The following SORCS3 variants were observed in gnomAD, a reference collection of about 807,000 sequenced individuals.
SORCS3 encodes sortilin related VPS10 domain containing receptor 3, also known as VPS10 domain-containing receptor SorCS3.
Under a neutral mutation model 146.3 loss-of-function variants are expected in SORCS3, and 57 were observed. That is an observed-to-expected ratio of 0.39 (90% confidence interval 0.31 to 0.49). SORCS3 has a LOEUF of 0.49. Ranked by LOEUF, SORCS3 falls within the 20% of genes least tolerant of loss-of-function variation. The pLI, the probability that SORCS3 is intolerant of heterozygous loss-of-function variation, is 0.92. For synonymous variants in SORCS3, 653 were observed against 618.5 expected (o/e 1.06, Z -0.83); for missense variants, 1,341 against 1,575.5 (o/e 0.85, Z 2.52).
chr10:105,105,384 C>T lies in SORCS3; in HGVS notation c.1094-13C>T, dbSNP rs1320493860. ...CACTTGTATCTAAGCATCACTCTACCCTCCTGTTTCAGATGCTCACTACCT... is the reference window on the plus strand; with the variant it reads ...CACTTGTATCTAAGCATCACTCTACTCTCCTGTTTCAGATGCTCACTACCT... On this transcript the variant is annotated splice_polypyrimidine_tract_variant and intron_variant, in intron 6 of 26. Transcript: ENST00000369701. 1.9e-6 allele frequency: 3 copies of T among 1,576,142 alleles called. No individual in the cohort carries two copies. The highest frequency in any genetic ancestry group is 2.6e-6 in the Non-Finnish European group (3 of 1,146,066).
intron 1 of SORCS3, among the ~76,000 whole-genome samples, chr10:104,664,222 A>G (rs1310554776): frequency 2.0e-5 from 3 of 152,136 alleles, no homozygotes; most frequent in African/African-American, 7.2e-5. Flanking sequence ...TGTGTCCTTC[A>G]TGGGGGAATT....
chr10:105,006,919 G>T (rs1439513560), intron 4 of SORCS3, among the ~76,000 whole-genome samples: 1 of 152,158 alleles, frequency 6.6e-6, no homozygotes, highest in Admixed American at 6.5e-5. Context: ...TCTGTGGCAT[G>T]TCTGTTACTC....
intron 6 of SORCS3, among the ~76,000 whole-genome samples, chr10:105,104,131 T>G (rs2055805011): frequency 6.6e-6 from 1 of 152,212 alleles, no homozygotes; most frequent in South Asian, 2.1e-4. Context: ...CTTCCTTCTC[T>G]GTAGCCCCTG....
At chr10:104,814,202 G>T (rs113337280) in intron 1 of SORCS3, among the ~76,000 whole-genome samples, 12 of 152,068 alleles carry the variant, frequency 7.9e-5, no homozygotes, top group African/African-American at 2.7e-4. Flanking sequence ...TGGAAAATGG[G>T]GTTCAGTGAC....
In SORCS3 at chr10:104,885,162, G is replaced by A. The variant is rs116972418; in HGVS notation, c.696-30671G>A. Among the ~76,000 whole-genome samples the A allele has an allele frequency of 4.6e-5, 7 of 152,254 alleles. No individual in the cohort carries two copies. The East Asian group carries it at 1.4e-3, about 29-fold the overall frequency. ...ACTGGGCTGCTGCTCACCCACACAG[G>A]GAGCACTGTCTCAGGTCTTCTTGTA... is the stretch of plus-strand genomic sequence containing the variant. On this transcript the variant is annotated intron_variant, in intron 2 of 26. Coordinates refer to ENST00000369701, the MANE Select transcript of SORCS3 (RefSeq NM_014978.3).
At chr10:105,048,727 C>T (rs2055391584) in intron 5 of SORCS3, among the ~76,000 whole-genome samples, 2 of 151,990 alleles carry the variant, frequency 1.3e-5, no homozygotes, top group South Asian at 4.2e-4. Context: ...AGAAGACAGA[C>T]TAAAAACCGT....
chr10:104,908,501 A>G (rs2018932504), intron 2 of SORCS3, among the ~76,000 whole-genome samples: 1 of 152,222 alleles, frequency 6.6e-6, no homozygotes, highest in Non-Finnish European at 1.5e-5. Context: ...TCTGAATAAC[A>G]ACAACTCTAT....
At chr10:104,671,967 C>T (rs2015860827) in intron 1 of SORCS3, among the ~76,000 whole-genome samples, 1 of 152,118 alleles carries the variant, frequency 6.6e-6, no homozygotes, top group Admixed American at 6.5e-5. Context: ...GCTTTGGTAT[C>T]AGGGTAATTA....
chr10:105,125,678 T>TA (rs1564761133), intron 7 of SORCS3, among the ~76,000 whole-genome samples: 29 of 7,372 alleles, frequency 3.9e-3, no homozygotes, highest in African/African-American at 0.02. Context: ...TCACTGAATA[T>TA]CCACACACAC....
chr10:105,260,947 C>T (rs1200825043), intron 25 of SORCS3, among the ~76,000 whole-genome samples: 1 of 152,126 alleles, frequency 6.6e-6, no homozygotes, highest in Non-Finnish European at 1.5e-5. Context: ...AAAATATAAT[C>T]TTTTTATTGA....
At chr10:105,016,153 A>ATTTTTTTT (rs1242064422) in intron 4 of SORCS3, among the ~76,000 whole-genome samples, 2 of 101,440 alleles carry the variant, frequency 2.0e-5, no homozygotes, top group African/African-American at 1.0e-4. Flanking sequence ...ATATATATAT[A>ATTTTTTTT]TATTTTTTTT....
chr10:105,246,005 A>G (rs933197976), intron 21 of SORCS3, among the ~76,000 whole-genome samples: 5 of 152,206 alleles, frequency 3.3e-5, no homozygotes, highest in African/African-American at 1.2e-4. Context: ...GAGGACCAGC[A>G]ATTTCCAAAA....
chr10:104,844,388 C>T (rs866734393), intron 2 of SORCS3, among the ~76,000 whole-genome samples: 1 of 152,072 alleles, frequency 6.6e-6, no homozygotes, highest in Non-Finnish European at 1.5e-5. Flanking sequence ...AACAGCTATT[C>T]CTGCTACTCC....
chr10:104,847,896 A>G (rs1262467077), intron 2 of SORCS3, among the ~76,000 whole-genome samples: 1 of 151,862 alleles, frequency 6.6e-6, no homozygotes, highest in Non-Finnish European at 1.5e-5. Flanking sequence ...ATTGATTATG[A>G]TATATATGGA....
intron 5 of SORCS3, among the ~76,000 whole-genome samples, chr10:105,085,056 A>C (rs2055651230): frequency 6.6e-6 from 1 of 152,150 alleles, no homozygotes; most frequent in Non-Finnish European, 1.5e-5. Context: ...ACTGGGTGTG[A>C]TTCTGCCACC....
intron 3 of SORCS3, among the ~76,000 whole-genome samples, chr10:104,967,334 T>C (rs2054831421): frequency 6.6e-6 from 1 of 152,190 alleles, no homozygotes; most frequent in South Asian, 2.1e-4. Context: ...GATGTTTTTC[T>C]CCCTGACACT....
chr10:105,108,014 AAC>A (rs2055834891), intron 7 of SORCS3, among the ~76,000 whole-genome samples: 1 of 149,006 alleles, frequency 6.7e-6, no homozygotes, highest in African/African-American at 2.5e-5. Context: ...ATGCCCTAGA[AAC>A]AGTGTTATAT....
At chr10:104,786,642 G>A (rs1025645741) in intron 1 of SORCS3, among the ~76,000 whole-genome samples, 2 of 151,972 alleles carry the variant, frequency 1.3e-5, no homozygotes. Flanking sequence ...AATCCTGAAG[G>A]CAGAAGCTGA....
intron 1 of SORCS3, among the ~76,000 whole-genome samples, chr10:104,691,380 A>G (rs2016109632): frequency 6.6e-6 from 1 of 152,226 alleles, no homozygotes. Flanking sequence ...ATTAAAAGAG[A>G]CAGACATAGA....
Sources: allele counts gnomAD v4.1 joint callset (sites outside exome capture counted in the v4.1 genomes callset), GRCh38; gene constraint gnomAD v4.1.1; transcripts MANE v1.5; gene names NCBI Gene and HGNC (gene_info 2026-07-23, HGNC 2026-07-21).